PTPRA: variants seen among roughly 807,000 people sequenced by gnomAD.
PTPRA encodes protein tyrosine phosphatase receptor type A.
PTPRA carries 25 observed loss-of-function variants against 104.8 expected under a neutral mutation model. That is an observed-to-expected ratio of 0.24 (90% CI 0.17 to 0.33). The LOEUF (loss-of-function observed/expected upper bound fraction) is 0.33. Among genes scored for constraint, PTPRA ranks in the 10% least tolerant of loss-of-function variants. The pLI, the probability that PTPRA is intolerant of heterozygous loss-of-function variation, is 1.00. For missense variants in PTPRA, 765 were observed against 1,015.3 expected, an observed-to-expected ratio of 0.75 and a Z score of 3.35; for synonymous variants, 323 against 368.9, an observed-to-expected ratio of 0.88 and a Z score of 1.43.
At chr20:2,990,807 G>T (rs2063139825) in intron 9 of PTPRA, among the ~76,000 whole-genome samples, 2 of 152,124 alleles carry the variant, frequency 1.3e-5, no homozygotes, top group African/African-American at 4.8e-5. Context: ...GGTAAAGGAG[G>T]AATGGTTATT....
chr20:3,007,938 ATGTT>A (rs766647514), intron 11 of PTPRA, among the ~76,000 whole-genome samples: 51 of 152,142 alleles, frequency 3.4e-4, no homozygotes, highest in Non-Finnish European at 6.8e-4. Flanking sequence ...GATTTAGAGA[ATGTT>A]TATAGAACAG....
intron 3 of PTPRA, among the ~76,000 whole-genome samples, chr20:2,957,915 A>G (rs368264218): frequency 4.0e-5 from 6 of 151,784 alleles, no homozygotes; most frequent in African/African-American, 1.5e-4. Flanking sequence ...GGAAATAGTG[A>G]TTTGTAGTGA....
At chr20:2,865,149 C>G in the PTPRA span, 1 of 1,614,180 alleles carries the variant, frequency 6.2e-7, no homozygotes, top group East Asian at 2.2e-5. The surrounding 1 kb of genome is among the most constrained non-coding windows in gnomAD (Gnocchi z 5.2). Context: ...GGTCCCCAGG[C>G]TACAGAGGAT....
chr20:2,872,515 G>A (rs1486308233), upstream of PTPRA, among the ~76,000 whole-genome samples: 3 of 152,246 alleles, frequency 2.0e-5, no homozygotes, highest in Admixed American at 2.0e-4. This position sits in a 1 kb window ranked among gnomAD's most constrained non-coding sequence, Gnocchi z 7.9. Context: ...CTCGCCCTGC[G>A]CGGGTCTCGG....
intron 2 of PTPRA, among the ~76,000 whole-genome samples, chr20:2,928,891 G>A (rs1219210845): frequency 2.0e-5 from 3 of 147,414 alleles, no homozygotes; most frequent in South Asian, 4.3e-4. Flanking sequence ...GTTCAGTGGT[G>A]CCATCACAGC....
intron 1 of PTPRA, among the ~76,000 whole-genome samples, chr20:2,874,379 A>G (rs1204335161): frequency 6.6e-6 from 1 of 150,592 alleles, no homozygotes; most frequent in African/African-American, 2.4e-5. Context: ...TACTAATTAT[A>G]TCTCCTGAAG....
chr20:2,866,081 T>A, the PTPRA span: 33 of 767,064 alleles, frequency 4.3e-5, no homozygotes, highest in African/African-American at 4.0e-4. Flanking sequence ...GGTTGGGGGA[T>A]TATATGTACT....
At chr20:2,895,521 ATT>A (rs375496170) in intron 1 of PTPRA, among the ~76,000 whole-genome samples, 6 of 150,854 alleles carry the variant, frequency 4.0e-5, no homozygotes, top group African/African-American at 1.5e-4. Context: ...ATTTTATTTT[ATT>A]TTATTTTTTT....
chr20:2,959,039 G>C (rs1315399675), intron 3 of PTPRA, among the ~76,000 whole-genome samples: 1 of 152,076 alleles, frequency 6.6e-6, no homozygotes, highest in African/African-American at 2.4e-5. Flanking sequence ...ATTGTATATG[G>C]GGGGTCGGGA....
chr20:2,956,169 A>C (rs1346130360), intron 3 of PTPRA, among the ~76,000 whole-genome samples: 1 of 152,156 alleles, frequency 6.6e-6, no homozygotes, highest in Admixed American at 6.5e-5. Context: ...AGAAAGCTTC[A>C]GTCAGTGACC....
chr20:2,897,508 C>T (rs1057089159), intron 1 of PTPRA, among the ~76,000 whole-genome samples: 1 of 151,780 alleles, frequency 6.6e-6, no homozygotes, highest in Non-Finnish European at 1.5e-5. Flanking sequence ...CCACCTCACC[C>T]TCCCAAGTAG....
At chr20:2,897,663 C>T (rs1312329210) in intron 1 of PTPRA, among the ~76,000 whole-genome samples, 1 of 152,108 alleles carries the variant, frequency 6.6e-6, no homozygotes, top group African/African-American at 2.4e-5. Context: ...GCTGGGATCA[C>T]AGGCTTGAGC....
chr20:2,954,200 C>A (rs2061455714), intron 3 of PTPRA, among the ~76,000 whole-genome samples: 1 of 151,112 alleles, frequency 6.6e-6, no homozygotes, highest in Non-Finnish European at 1.5e-5. Flanking sequence ...GCCTCAGCCT[C>A]CTGAGTAGCT....
intron 3 of PTPRA, among the ~76,000 whole-genome samples, chr20:2,957,649 AG>A (rs2061586499): frequency 6.6e-6 from 1 of 152,228 alleles, no homozygotes; most frequent in Non-Finnish European, 1.5e-5. Context: ...AAAAAAATGC[AG>A]GGTTCCTAAA....
intron 6 of PTPRA, among the ~76,000 whole-genome samples, chr20:2,980,773 T>G (rs2062640364): frequency 6.6e-6 from 1 of 152,218 alleles, no homozygotes; most frequent in Admixed American, 6.5e-5. Context: ...AAAGATTTAT[T>G]CTGTTTCTTT....
intron 6 of PTPRA, among the ~76,000 whole-genome samples, chr20:2,983,567 GCAAAAA>G (rs2062777965): frequency 3.6e-5 from 1 of 27,630 alleles, no homozygotes; most frequent in African/African-American, 2.2e-4. Context: ...TAAAAAAAAT[GCAAAAA>G]AAAAAAAAAA....
At chr20:2,980,507 G>A (rs912549292) in intron 6 of PTPRA, among the ~76,000 whole-genome samples, 7 of 151,840 alleles carry the variant, frequency 4.6e-5, no homozygotes, top group East Asian at 2.0e-4. Flanking sequence ...CCAAGATCAC[G>A]CCAGTGCACT....
At chr20:2,930,980 C>CA (rs1367040138) in intron 2 of PTPRA, among the ~76,000 whole-genome samples, 4 of 152,128 alleles carry the variant, frequency 2.6e-5, no homozygotes, top group African/African-American at 9.7e-5. Flanking sequence ...ATGAATCTAA[C>CA]ACTTTAGGAA....
intron 13 of PTPRA, among the ~76,000 whole-genome samples, chr20:3,019,957 G>A (rs942057708): frequency 4.6e-5 from 7 of 151,566 alleles, no homozygotes; most frequent in East Asian, 2.0e-4. Context: ...GCCTGCAATC[G>A]CAGGCACTCG....
Sources: gnomAD v4.1 joint callset for allele counts (sites outside exome capture counted in the v4.1 genomes callset) on GRCh38, gnomAD v4.1.1 for gene constraint, Gnocchi (gnomAD v3.1) non-coding constraint, MANE v1.5 for transcripts, NCBI Gene and HGNC (gene_info 2026-07-23, HGNC 2026-07-21) for gene names.